The following DCAF4 variants were observed in gnomAD, a reference collection of about 807,000 sequenced individuals.
DCAF4 encodes DDB1 and CUL4 associated factor 4, also known as DDB1- and CUL4-associated factor 4.
A neutral mutation model predicts 60.9 loss-of-function variants in DCAF4; 37 were observed. The observed-to-expected ratio is 0.61, with a 90% CI of 0.47 to 0.80. The LOEUF is 0.80. Ranked by LOEUF, DCAF4 falls within the 30% of genes least tolerant of loss-of-function variation. DCAF4 has a pLI of 0.00. For missense variants in DCAF4, 577 were observed against 650.0 expected (o/e 0.89, Z 1.22); for synonymous variants, 243 against 254.8 (o/e 0.95, Z 0.44).
rs1436780872 is a variant in DCAF4 at position 72,958,989 on chromosome 14, A to G, written c.*184A>G. On this transcript the variant is annotated 3_prime_UTR_variant, in exon 14 of 14. Transcript: ENST00000358377. ...TGCTCAGGAAAGTTATTTGAGTTAA[A>G]TTGCTGGCTGAGAGAGCTTGGAAGT... The G allele has an allele frequency of 7.9e-7, 1 of 1,263,328 alleles. No individual in the cohort carries two copies. Among genetic ancestry groups the G allele is most frequent in the East Asian group, 3.1e-5 (1 of 32,234 alleles). The allele number at this position is 1,263,328 out of a possible 1,614,324, so 78.3% of individuals were successfully genotyped here.
intron 2 of DCAF4, 126 bp from the exon 3 acceptor site, chr14:72,939,676 A>G (rs1218589361): frequency 1.4e-6 from 1 of 695,452 alleles, no homozygotes; most frequent in Non-Finnish European, 2.3e-6. Context: ...GTGCTTCTCA[A>G]GTAATCAGAA....
rs1396407891 is a variant in DCAF4 at position 72,954,509 on chromosome 14, T to C, written c.1005+26T>C. On this transcript the variant is annotated intron_variant, in intron 11 of 13. Transcript: ENST00000358377. The stretch of plus-strand genomic sequence containing the variant: ...GTTGGTTGGATTGGGACAGGCAGAA[T>C]ATAAAAGTTTGCCCCATGTAGAAAT... The C allele has an allele frequency of 4.3e-6, 7 of 1,611,004 alleles. No individual in the cohort carries two copies. In the Admixed American group the frequency reaches 1.2e-4, roughly 27 times the overall value.
At chr14:72,946,109 G>A in intron 7 of DCAF4, 82 bp downstream of exon 7, 1 of 1,532,426 alleles carries the variant, frequency 6.5e-7, no homozygotes, top group Non-Finnish European at 8.9e-7. Context: ...GAGAGCAACT[G>A]GGGAAGAGGG....
intron 6 of DCAF4, among the ~76,000 whole-genome samples, 200 bp from the exon 7 acceptor site, chr14:72,945,683 CA>C (rs1241976840): frequency 7.2e-5 from 11 of 152,308 alleles, no homozygotes; most frequent in Admixed American, 2.0e-4. Context: ...ATTGTTAGAT[CA>C]GACACGTGCT....
At chr14:72,944,238 C>T (rs951394850) in intron 6 of DCAF4, among the ~76,000 whole-genome samples, 1 of 152,156 alleles carries the variant, frequency 6.6e-6, no homozygotes, top group African/African-American at 2.4e-5. Context: ...TCTGGCTGGC[C>T]GGTGTGACCG....
At position 72,959,109 on chromosome 14, in the gene DCAF4, A is replaced by G; in HGVS notation, c.*304A>G. On this transcript the variant is annotated 3_prime_UTR_variant, in exon 14 of 14. Coordinates refer to ENST00000358377, the MANE Select transcript of DCAF4 (RefSeq NM_015604.4). ...TTTCTTAACAAAAAGGACTTTTCTA[A>G]GGACTGAAGATTGGCAAAAACGAAA... 2 of 1,060,144 alleles carry G rather than the reference A, an allele frequency of 1.9e-6. No individual in the cohort carries two copies. Among genetic ancestry groups the G allele is most frequent in the Non-Finnish European group, 2.3e-6 (2 of 878,086 alleles). The allele number at this position is 1,060,144 out of a possible 1,614,324, so 65.7% of individuals were successfully genotyped here.
downstream of DCAF4, chr14:72,960,464 A>G (rs577771188): frequency 4.4e-6 from 1 of 225,222 alleles, no homozygotes; most frequent in African/African-American, 2.3e-5. Flanking sequence ...TCTTAAATAT[A>G]TTTAATCCGT....
Position 72,940,402 on chromosome 14 carries a change from C to G in DCAF4, c.351+25C>G, listed in dbSNP as rs761953600. On this transcript the variant is annotated intron_variant, in intron 4 of 13. Transcript: ENST00000358377. Reference sequence around the variant, plus strand: ...GGTGGGCTCCTCACCCCTTCGCCCCCTGTCCTCTCCGCTCCTGCCAGCACC... The same window carrying G: ...GGTGGGCTCCTCACCCCTTCGCCCCGTGTCCTCTCCGCTCCTGCCAGCACC... 11 of 1,588,728 alleles carry G rather than the reference C, an allele frequency of 6.9e-6. No homozygotes were observed. In the East Asian group the frequency reaches 2.2e-4, roughly 32 times the overall value.
chr14:72,950,025 G>A (rs1891215164), intron 8 of DCAF4, among the ~76,000 whole-genome samples: 1 of 152,138 alleles, frequency 6.6e-6, no homozygotes, highest in African/African-American at 2.4e-5. Context: ...AGGAGGAGTT[G>A]GGAGAAAGCT....
At chr14:72,939,953 T>C in intron 3 of DCAF4, 51 bp downstream of exon 3, 2 of 1,490,906 alleles carry the variant, frequency 1.3e-6, no homozygotes, top group Non-Finnish European at 1.8e-6. Context: ...CAGGGAAGGC[T>C]GAGACCCGTT....
chr14:72,928,139 C>A (rs755879173), intron 1 of DCAF4, among the ~76,000 whole-genome samples: 2 of 138,790 alleles, frequency 1.4e-5, no homozygotes, highest in Non-Finnish European at 3.0e-5. Context: ...AGACCAGTGG[C>A]GTTAGCGTTT....
Position 72,955,596 on chromosome 14 carries a change from A to G in DCAF4, c.1079A>G (p.Lys360Arg), listed in dbSNP as rs1892167535. ...AIDLRCGNQG[K>R]GWKATRLFHD... Reference sequence around the variant, plus strand: ...GATCTGCGTTGTGGAAATCAAGGCAAGGGATGGAAGGCCACCCGCCTGTTT... The same window carrying G: ...GATCTGCGTTGTGGAAATCAAGGCAGGGGATGGAAGGCCACCCGCCTGTTT... The change falls in exon 12 of 14, where the codon AAG becomes AGG. Residue 360 changes from lysine (K) to arginine (R), a missense_variant. Transcript: ENST00000358377. 6.2e-7 allele frequency: 1 copy of G among 1,614,194 alleles called. No individual in the cohort carries two copies. Among genetic ancestry groups the G allele is most frequent in the Non-Finnish European group, 8.5e-7 (1 of 1,180,030 alleles).
intron 1 of DCAF4, 111 bp from the exon 2 acceptor site, chr14:72,937,860 G>C (rs1889497126): frequency 5.7e-6 from 8 of 1,403,108 alleles, no homozygotes; most frequent in Non-Finnish European, 6.5e-6. Context: ...GATAACCCAG[G>C]GTGGGCCAGC....
intron 9 of DCAF4, among the ~76,000 whole-genome samples, chr14:72,952,221 C>A (rs531619735): frequency 6.6e-6 from 1 of 152,296 alleles, no homozygotes; most frequent in South Asian, 2.1e-4. Context: ...AGTCTGCCTA[C>A]GTTAAGGCAA....
chr14:72,956,653 T>C, intron 13 of DCAF4, 153 bp downstream of exon 13: 1 of 663,852 alleles, frequency 1.5e-6, no homozygotes, highest in Non-Finnish European at 2.6e-6. Context: ...AGGAGGGAAG[T>C]AGAATTAGAT....
chr14:72,942,884 G>T, intron 5 of DCAF4, 110 bp from the exon 6 acceptor site: 1 of 899,544 alleles, frequency 1.1e-6, no homozygotes, highest in Non-Finnish European at 1.7e-6. Flanking sequence ...CTGTGGAGCA[G>T]GCTGACGAGG....
Position 72,959,677 on chromosome 14 carries a change from C to T in DCAF4, c.*872C>T, listed in dbSNP as rs1892717153. ...GTGTGACATGCACTTCTGTGAATGA[C>T]TTAGGAGATCATGAGCTTGGGCTGC... On this transcript the variant is annotated 3_prime_UTR_variant, in exon 14 of 14. Transcript: ENST00000358377. 6 of 984,728 alleles carry T rather than the reference C, an allele frequency of 6.1e-6. No individual in the cohort carries two copies. In the South Asian group the frequency reaches 1.9e-4, roughly 31 times the overall value. 61.0% of individuals were successfully genotyped at this position (984,728 alleles called of 1,614,324 possible). A position where few individuals can be genotyped will look rare whatever the true frequency, so the allele number is the denominator to read the frequency against.
At chr14:72,956,824 C>T (rs550983298) in intron 13 of DCAF4, 44 of 308,820 alleles carry the variant, frequency 1.4e-4, no homozygotes, top group Non-Finnish European at 2.0e-4. Context: ...TATTCCACCA[C>T]GCAACTATCT....
Position 72,951,808 on chromosome 14 carries a change from A to G in DCAF4, c.739A>G (p.Met247Val), listed in dbSNP as rs768864757. The G allele has an allele frequency of 1.1e-5, 17 of 1,613,986 alleles. No homozygotes were observed. The highest frequency in any genetic ancestry group is 1.2e-5 in the Non-Finnish European group (14 of 1,180,020). Reference sequence around the variant, plus strand: ...AACAGCTTTTTCCAGGCTATGCCTCATGGGACTCGCAGAGACTCCAGGCTG... The same window carrying G: ...AACAGCTTTTTCCAGGCTATGCCTCGTGGGACTCGCAGAGACTCCAGGCTG... ...HLDSHILLCL[M>V]GLAETPGCAT... Residue 247 changes from methionine to valine, a missense_variant, in exon 9 of 14, where the codon ATG (methionine) becomes GTG (valine). Met to Val is a conservative substitution (Grantham distance 21, BLOSUM62 1). Coordinates refer to ENST00000358377, the MANE Select transcript of DCAF4 (RefSeq NM_015604.4).
Sources: gnomAD v4.1 joint callset for allele counts (sites outside exome capture counted in the v4.1 genomes callset) on GRCh38, gnomAD v4.1.1 for gene constraint, MANE v1.5 for transcripts, NCBI Gene and HGNC (gene_info 2026-07-23, HGNC 2026-07-21) for gene names.